ADAMTS17: variants seen among roughly 807,000 people sequenced by gnomAD.
ADAMTS17 encodes A disintegrin and metalloproteinase with thrombospondin motifs 17.
Under a neutral mutation model 141.5 loss-of-function variants are expected in ADAMTS17, and 113 were observed. The observed-to-expected ratio is 0.80, with a 90% CI of 0.69 to 0.93. The LOEUF is 0.93. Ranked by LOEUF, ADAMTS17 falls within the 40% of genes least tolerant of loss-of-function variation. The pLI is 0.00. For missense variants in ADAMTS17, 1,659 were observed against 1,517.9 expected (o/e 1.09, Z -1.54); for synonymous variants, 768 against 630.6 (o/e 1.22, Z -3.27).
At chr15:100,231,581 T>C (rs2042482596) in intron 7 of ADAMTS17, among the ~76,000 whole-genome samples, 1 of 152,202 alleles carries the variant, frequency 6.6e-6, no homozygotes, top group South Asian at 2.1e-4. Flanking sequence ...TTCTAAGTGT[T>C]ACAGAAGCTG....
chr15:100,113,968 A>G (rs1260486988), intron 13 of ADAMTS17, among the ~76,000 whole-genome samples: 1 of 152,176 alleles, frequency 6.6e-6, no homozygotes, highest in Non-Finnish European at 1.5e-5. Context: ...TTTCCACTTC[A>G]ATGAGATTCC....
At chr15:100,052,638 A>G (rs1000073571) in intron 16 of ADAMTS17, among the ~76,000 whole-genome samples, 17 of 152,166 alleles carry the variant, frequency 1.1e-4, no homozygotes, top group African/African-American at 4.1e-4. Flanking sequence ...TACAGGTTTT[A>G]TGTTTTGCCT....
intron 8 of ADAMTS17, among the ~76,000 whole-genome samples, chr15:100,168,899 C>T (rs1399454227): frequency 1.3e-5 from 2 of 152,248 alleles, no homozygotes; most frequent in African/African-American, 4.8e-5. Context: ...AGAGGACCCT[C>T]CCCTTGCCCC....
chr15:100,234,104 A>G (rs2042578634), intron 7 of ADAMTS17, among the ~76,000 whole-genome samples: 1 of 152,300 alleles, frequency 6.6e-6, no homozygotes, highest in East Asian at 1.9e-4. Context: ...AGGGCAGCAC[A>G]GGCCTGGACC....
In ADAMTS17 at chr15:100,198,841, C is replaced by T. The variant is rs78860670; in HGVS notation, c.1181+477G>A. On this transcript the variant is annotated intron_variant, in intron 8 of 21. Coordinates refer to ENST00000268070, the MANE Select transcript of ADAMTS17 (RefSeq NM_139057.4). ...GTTATTTCATCCTAAAGAGAAGAATCGCTGTGTGCAAAGACTCTCATCCAC... is the reference window on the plus strand; with the variant it reads ...GTTATTTCATCCTAAAGAGAAGAATTGCTGTGTGCAAAGACTCTCATCCAC... Among the ~76,000 whole-genome samples, 1,346 of 152,276 alleles carry T rather than the reference C, an allele frequency of 8.8e-3. 15 individuals carry two copies. Among genetic ancestry groups the T allele is most frequent in the South Asian group, 0.033 (158 of 4,828 alleles).
rs1190158688 is a variant in ADAMTS17, at chr15:100,058,685, C to T, written c.2138-4631G>A. Reference sequence around the variant, plus strand: ...TGGGCGGCAGCAGCAGCAGCAACTACAGCACGAGGTGGAGATAGAGCCACT... The same window carrying T: ...TGGGCGGCAGCAGCAGCAGCAACTATAGCACGAGGTGGAGATAGAGCCACT... On this transcript the variant is annotated intron_variant, in intron 15 of 21. Coordinates refer to ENST00000268070, the MANE Select transcript of ADAMTS17 (RefSeq NM_139057.4). Among the ~76,000 whole-genome samples the T allele has an allele frequency of 3.3e-5, 5 of 152,228 alleles. No homozygotes were observed. In the East Asian group the frequency reaches 9.6e-4, roughly 29 times the overall value.
intron 15 of ADAMTS17, among the ~76,000 whole-genome samples, chr15:100,092,955 T>A (rs1281324631): frequency 2.6e-5 from 4 of 152,180 alleles, no homozygotes; most frequent in African/African-American, 7.2e-5. Context: ...GGCAATTTAA[T>A]GAAATGAAAG....
chr15:100,181,931 G>A (rs1160151153), intron 8 of ADAMTS17, among the ~76,000 whole-genome samples: 1 of 152,164 alleles, frequency 6.6e-6, no homozygotes, highest in Non-Finnish European at 1.5e-5. Context: ...TGCCTTTCAC[G>A]TTTATTTAGA....
At chr15:100,185,080 C>T (rs2040661345) in intron 8 of ADAMTS17, among the ~76,000 whole-genome samples, 1 of 152,214 alleles carries the variant, frequency 6.6e-6, no homozygotes, top group African/African-American at 2.4e-5. Context: ...TCTGAAAGCG[C>T]TACAGTCTGT....
intron 18 of ADAMTS17, among the ~76,000 whole-genome samples, chr15:100,008,934 G>C (rs749887739): frequency 6.6e-6 from 1 of 152,126 alleles, no homozygotes; most frequent in Non-Finnish European, 1.5e-5. Flanking sequence ...GACCTCTTGG[G>C]GCTCAAGTGA....
chr15:100,023,189 G>T (rs2061435780), intron 18 of ADAMTS17, among the ~76,000 whole-genome samples: 1 of 151,760 alleles, frequency 6.6e-6, no homozygotes, highest in Admixed American at 6.6e-5. Context: ...GTTTTTAGGT[G>T]AACAAAATAA....
chr15:100,334,989 C>T (rs1314186588), intron 2 of ADAMTS17, among the ~76,000 whole-genome samples: 9 of 152,130 alleles, frequency 5.9e-5, no homozygotes, highest in Middle Eastern at 3.2e-3. Flanking sequence ...CCTCCCCATA[C>T]GGCTAGCCCC....
chr15:100,108,848 G>T, intron 14 of ADAMTS17, 141 bp downstream of exon 14: 2 of 1,418,544 alleles, frequency 1.4e-6, no homozygotes, highest in Non-Finnish European at 2.0e-6. Flanking sequence ...CTGGCGGCAG[G>T]AGGCGGCATC....
chr15:100,114,459 G>A (rs2036986155), intron 13 of ADAMTS17, among the ~76,000 whole-genome samples: 1 of 152,062 alleles, frequency 6.6e-6, no homozygotes, highest in African/African-American at 2.4e-5. Context: ...TTGATGAAGT[G>A]CTCCTTTTAA....
At chr15:100,167,429 G>A (rs189150901) in intron 8 of ADAMTS17, among the ~76,000 whole-genome samples, 8 of 152,290 alleles carry the variant, frequency 5.3e-5, no homozygotes, top group African/African-American at 1.9e-4. Flanking sequence ...CCTCCCAGAT[G>A]GTCGTGCGGA....
In ADAMTS17 at chr15:100,132,060, G is replaced by T; in HGVS notation, c.1668C>A (p.Ser556Arg). ...AGCGGGCTCCCGTCCCACATGTTCG[G>T]CTGCACATGCTCCAGGCGCCCCACG... ...WSPWGAWSMC[S>R]RTCGTGARFR... The change falls in exon 12 of 22, where the codon AGC becomes AGA. Residue 556 changes from serine to arginine, a missense_variant. Transcript: ENST00000268070. 2 of 1,613,902 alleles carry T rather than the reference G, an allele frequency of 1.2e-6. No homozygotes were observed. Among genetic ancestry groups the T allele is most frequent in the Non-Finnish European group, 1.7e-6 (2 of 1,179,780 alleles).
intron 13 of ADAMTS17, among the ~76,000 whole-genome samples, chr15:100,113,649 C>T (rs1026640325): frequency 2.0e-5 from 3 of 152,202 alleles, no homozygotes; most frequent in Non-Finnish European, 2.9e-5. Context: ...AGTGGGTGCA[C>T]GGGGTTGTGA....
chr15:100,000,491 C>T (rs1379329505), intron 18 of ADAMTS17, among the ~76,000 whole-genome samples: 2 of 152,130 alleles, frequency 1.3e-5, no homozygotes, highest in African/African-American at 4.8e-5. Context: ...ACAATAAGCA[C>T]ACACATACTA....
rs138953262 is a variant in ADAMTS17, at chr15:100,305,494, C to A, written c.617-24093G>T. Among the ~76,000 whole-genome samples, 63 of 152,328 alleles carry A rather than the reference C, an allele frequency of 4.1e-4. No individual in the cohort carries two copies. In the East Asian group the frequency reaches 0.011, roughly 28 times the overall value. On this transcript the variant is annotated intron_variant, in intron 3 of 21. Transcript: ENST00000268070. Reference sequence around the variant, plus strand: ...AGTGCCAAGACCTGTGTGCACAAGGCCCCCTAGATGGCCCTGGTTCACGTC... The same window carrying A: ...AGTGCCAAGACCTGTGTGCACAAGGACCCCTAGATGGCCCTGGTTCACGTC...
Sources: allele counts gnomAD v4.1 joint callset (sites outside exome capture counted in the v4.1 genomes callset), GRCh38; gene constraint gnomAD v4.1.1; transcripts MANE v1.5; gene names NCBI Gene and HGNC (gene_info 2026-07-23, HGNC 2026-07-21).